MAPKAP1: variants seen among roughly 807,000 people sequenced by gnomAD.
MAPKAP1 encodes target of rapamycin complex 2 subunit MAPKAP1.
In MAPKAP1, 20 loss-of-function variants were observed where a neutral mutation model predicts 65.7. The ratio of observed to expected loss-of-function variants is 0.30; its 90% CI spans 0.21 to 0.44. The LOEUF is 0.44. MAPKAP1 is among the 20% of genes least tolerant of loss of function. MAPKAP1 has a pLI of 1.00. For missense variants in MAPKAP1, 423 were observed against 648.0 expected, an observed-to-expected ratio of 0.65 and a Z score of 3.77; for synonymous variants, 222 against 244.3, an observed-to-expected ratio of 0.91 and a Z score of 0.85.
intron 4 of MAPKAP1, among the ~76,000 whole-genome samples, chr9:125,592,268 G>C (rs1249112130): frequency 1.3e-5 from 2 of 152,178 alleles, no homozygotes; most frequent in Admixed American, 6.5e-5. Context: ...AGGCCTCTTA[G>C]ATATAAAAAT....
chr9:125,594,333 TG>T (rs1355469199), intron 4 of MAPKAP1, among the ~76,000 whole-genome samples: 1 of 152,250 alleles, frequency 6.6e-6, no homozygotes, highest in Non-Finnish European at 1.5e-5. Flanking sequence ...CTTTGCAATC[TG>T]GTCCCTCATA....
intron 4 of MAPKAP1, among the ~76,000 whole-genome samples, chr9:125,606,063 C>A (rs1832430522): frequency 6.6e-6 from 1 of 151,992 alleles, no homozygotes; most frequent in Non-Finnish European, 1.5e-5. Context: ...GACGATAATT[C>A]CTCTGAAAGC....
intron 5 of MAPKAP1, among the ~76,000 whole-genome samples, chr9:125,580,694 A>C (rs1225199600): frequency 6.7e-6 from 1 of 149,322 alleles, no homozygotes; most frequent in Admixed American, 6.7e-5. Flanking sequence ...AAAAAAAAAA[A>C]GACTATAGAC....
intron 8 of MAPKAP1, among the ~76,000 whole-genome samples, chr9:125,503,908 T>G (rs1346381638): frequency 3.4e-5 from 4 of 119,274 alleles, no homozygotes; most frequent in Non-Finnish European, 5.5e-5. Context: ...TTTTTTTTTT[T>G]GTATTTTTGG....
intron 5 of MAPKAP1, among the ~76,000 whole-genome samples, chr9:125,580,649 C>T (rs929331894): frequency 8.0e-5 from 12 of 150,768 alleles, no homozygotes; most frequent in East Asian, 2.0e-4. Flanking sequence ...CAAACCTGCA[C>T]GTTGTGCACA....
chr9:125,526,452 A>G (rs1564542882), intron 7 of MAPKAP1, among the ~76,000 whole-genome samples: 1 of 152,244 alleles, frequency 6.6e-6, no homozygotes, highest in Non-Finnish European at 1.5e-5. Flanking sequence ...GCTTTAACCT[A>G]CGGAAAATAT....
chr9:125,664,742 G>GAAAAGA (rs1423805691), intron 3 of MAPKAP1, among the ~76,000 whole-genome samples: 3 of 62,454 alleles, frequency 4.8e-5, no homozygotes, highest in South Asian at 6.5e-4. Context: ...AAAAAAAAAG[G>GAAAAGA]AAAAGAAAAA....
At chr9:125,668,979 T>G (rs972078991) in intron 3 of MAPKAP1, among the ~76,000 whole-genome samples, 1 of 151,194 alleles carries the variant, frequency 6.6e-6, no homozygotes, top group South Asian at 2.1e-4. Flanking sequence ...AGGCCAGGAG[T>G]TCGAGAACAG....
intron 1 of MAPKAP1, among the ~76,000 whole-genome samples, chr9:125,699,737 A>G (rs1835540365): frequency 6.6e-6 from 1 of 151,786 alleles, no homozygotes; most frequent in East Asian, 1.9e-4. Context: ...GGCTCAAGCA[A>G]TCCTCCTACC....
intron 3 of MAPKAP1, among the ~76,000 whole-genome samples, chr9:125,669,574 G>A (rs1436813895): frequency 6.6e-6 from 1 of 152,090 alleles, no homozygotes; most frequent in Non-Finnish European, 1.5e-5. Flanking sequence ...ATGACAGCTT[G>A]TAAAAAATGT....
In MAPKAP1 at chr9:125,472,317, G is replaced by A. The variant is rs79251912; in HGVS notation, c.1208-4208C>T. On this transcript the variant is annotated intron_variant, in intron 9 of 11. Coordinates refer to ENST00000265960, the MANE Select transcript of MAPKAP1 (RefSeq NM_001006617.3). ...TCTGCTGCTCTGCACAGCCTCAGCC[G>A]TGTCAGAAGATGTATTAATAATAAG... 9.2e-5 allele frequency among the ~76,000 whole-genome samples: 14 copies of A among 152,290 alleles called. No homozygotes were observed. The East Asian group carries it at 1.5e-3, about 17-fold the overall frequency.
At chr9:125,666,660 T>A (rs1358723630) in intron 3 of MAPKAP1, among the ~76,000 whole-genome samples, 1 of 152,034 alleles carries the variant, frequency 6.6e-6, no homozygotes, top group Non-Finnish European at 1.5e-5. Context: ...TAATTACCCA[T>A]CCAAAACTCT....
At chr9:125,639,225 A>C (rs1425389591) in intron 4 of MAPKAP1, among the ~76,000 whole-genome samples, 1 of 152,160 alleles carries the variant, frequency 6.6e-6, no homozygotes, top group Non-Finnish European at 1.5e-5. Flanking sequence ...TGGGCAACAC[A>C]GAGAGACTCC....
chr9:125,467,096 A>T (rs142747732), intron 10 of MAPKAP1, among the ~76,000 whole-genome samples: 1 of 152,248 alleles, frequency 6.6e-6, no homozygotes. Context: ...ACTGAATCAC[A>T]ATCTACTAGG....
intron 5 of MAPKAP1, 47 bp from the exon 6 acceptor site, chr9:125,559,856 G>A: frequency 6.4e-7 from 1 of 1,564,238 alleles, no homozygotes; most frequent in Non-Finnish European, 8.7e-7. Flanking sequence ...GTAGGGAAGG[G>A]ACAAGAAGAC....
At chr9:125,536,465 T>C (rs181204287) in intron 7 of MAPKAP1, among the ~76,000 whole-genome samples, 1 of 152,326 alleles carries the variant, frequency 6.6e-6, no homozygotes, top group East Asian at 1.9e-4. Context: ...CTGTTTCCTA[T>C]TCATCCCCTA....
chr9:125,534,295 T>C (rs1400124680), intron 7 of MAPKAP1, among the ~76,000 whole-genome samples: 1 of 152,212 alleles, frequency 6.6e-6, no homozygotes, highest in East Asian at 1.9e-4. Context: ...AAACCTTCAT[T>C]TTTTACTTCA....
intron 4 of MAPKAP1, among the ~76,000 whole-genome samples, chr9:125,652,913 C>G (rs1833933272): frequency 6.6e-6 from 1 of 152,190 alleles, no homozygotes; most frequent in Non-Finnish European, 1.5e-5. Flanking sequence ...TTCTAAAATC[C>G]TGGCTTTTAA....
chr9:125,490,823 A>G (rs1854681320), intron 8 of MAPKAP1, among the ~76,000 whole-genome samples: 1 of 152,120 alleles, frequency 6.6e-6, no homozygotes, highest in African/African-American at 2.4e-5. Context: ...ATAATAAAAT[A>G]ATGACACTCT....
Sources: gnomAD v4.1 joint callset for allele counts (sites outside exome capture counted in the v4.1 genomes callset) on GRCh38, gnomAD v4.1.1 for gene constraint, MANE v1.5 for transcripts, NCBI Gene and HGNC (gene_info 2026-07-23, HGNC 2026-07-21) for gene names.